ADCK1: variants seen among roughly 807,000 people sequenced by gnomAD.
ADCK1 encodes aarF domain containing kinase 1.
A neutral mutation model predicts 52.3 loss-of-function variants in ADCK1; 41 were observed. That is an observed-to-expected ratio of 0.78 (90% CI 0.61 to 1.02). The LOEUF (loss-of-function observed/expected upper bound fraction) is 1.02. Ranked by LOEUF, ADCK1 falls within the 50% of genes least tolerant of loss-of-function variation. The pLI, the probability that ADCK1 is intolerant of heterozygous loss-of-function variation, is 0.00. For synonymous variants in ADCK1, 250 were observed against 274.6 expected, an observed-to-expected ratio of 0.91 and a Z score of 0.89; for missense variants, 658 against 679.5, an observed-to-expected ratio of 0.97 and a Z score of 0.35.
At chr14:77,808,535 C>A (rs1459857937) in intron 1 of ADCK1, among the ~76,000 whole-genome samples, 1 of 152,094 alleles carries the variant, frequency 6.6e-6, no homozygotes, top group Non-Finnish European at 1.5e-5. Context: ...AAAATGGATG[C>A]CAAGGCAACA....
chr14:77,890,829 T>C (rs2083268675), intron 5 of ADCK1, among the ~76,000 whole-genome samples: 1 of 152,022 alleles, frequency 6.6e-6, no homozygotes, highest in Admixed American at 6.5e-5. Context: ...TTGGGAGAGT[T>C]AGGGTAGTGG....
At chr14:77,929,602 C>T (rs898737819) in intron 9 of ADCK1, among the ~76,000 whole-genome samples, 1 of 152,196 alleles carries the variant, frequency 6.6e-6, no homozygotes, top group African/African-American at 2.4e-5. Context: ...AATCCAGATT[C>T]CCTGCTGGGG....
chr14:77,840,162 T>C (rs2082038218), intron 3 of ADCK1, among the ~76,000 whole-genome samples: 1 of 151,982 alleles, frequency 6.6e-6, no homozygotes, highest in Non-Finnish European at 1.5e-5. Flanking sequence ...TTCCTATGAC[T>C]ATTAGTTTCC....
At position 77,907,771 on chromosome 14, in the gene ADCK1, C is replaced by T. The variant is rs115320309; in HGVS notation, c.742-32C>T. On this transcript the variant is annotated intron_variant, in intron 6 of 10. Coordinates refer to ENST00000238561, the MANE Select transcript of ADCK1 (RefSeq NM_020421.4). ...ATCCTTGCCCGATTCCCAGCTTCCC[C>T]AGACCATCTGACCTGTCCCTTCCTA... is the stretch of plus-strand genomic sequence containing the variant. The T allele has an allele frequency of 4.3e-3, 6,673 of 1,561,642 alleles. 241 individuals are homozygous for T. The African/African-American group carries it at 0.078, about 18-fold the overall frequency.
At position 77,925,796 on chromosome 14, in the gene ADCK1, C is replaced by G. The variant is rs962021312; in HGVS notation, c.1041C>G (p.Cys347Trp). 6.2e-7 allele frequency: 1 copy of G among 1,614,184 alleles called. No homozygotes were observed. The highest frequency in any genetic ancestry group is 1.7e-5 in the Admixed American group (1 of 60,030). ...MLTEEFRLNY[C>W]HLWQSLIWTD... ...CGGAAGAATTCCGCCTGAATTACTG[C>G]CACCTCTGGCAGTCTCTGATCTGGA... The change falls in exon 9 of 11, where the codon TGC becomes TGG. Residue 347 changes from cysteine (C) to tryptophan (W), a missense_variant. Coordinates refer to ENST00000238561, the MANE Select transcript of ADCK1 (RefSeq NM_020421.4).
intron 5 of ADCK1, among the ~76,000 whole-genome samples, chr14:77,891,161 G>C (rs1025990272): frequency 1.3e-5 from 2 of 152,176 alleles, no homozygotes; most frequent in African/African-American, 2.4e-5. Flanking sequence ...TGAGAATGAG[G>C]GGGTAGAAGG....
In ADCK1 at chr14:77,823,646, C is replaced by T. The variant is rs185748497; in HGVS notation, c.219+1128C>T. Among the ~76,000 whole-genome samples, 1,123 of 151,448 alleles carry T rather than the reference C, an allele frequency of 7.4e-3. 5 individuals are homozygous for T. The highest frequency in any genetic ancestry group is 0.012 in the Non-Finnish European group (841 of 67,902). On this transcript the variant is annotated intron_variant, in intron 3 of 10. Transcript: ENST00000238561. Reference sequence around the variant, plus strand: ...GGGGTGCAGTGGTGTGATCTCGGCTCATTGCAACCTCCGTTTCCTGGATTC... The same window carrying T: ...GGGGTGCAGTGGTGTGATCTCGGCTTATTGCAACCTCCGTTTCCTGGATTC...
chr14:77,845,383 A>G (rs1483380987), intron 3 of ADCK1, among the ~76,000 whole-genome samples: 1 of 152,208 alleles, frequency 6.6e-6, no homozygotes, highest in African/African-American at 2.4e-5. Context: ...CATAGTAAAT[A>G]CTTAATCCAT....
At chr14:77,809,132 T>G (rs2081285886) in intron 1 of ADCK1, among the ~76,000 whole-genome samples, 1 of 151,952 alleles carries the variant, frequency 6.6e-6, no homozygotes, top group African/African-American at 2.4e-5. Context: ...GCCTTGAGTG[T>G]CTTGCAAGGA....
At chr14:77,927,304 G>A (rs1410179410) in intron 9 of ADCK1, among the ~76,000 whole-genome samples, 1 of 152,222 alleles carries the variant, frequency 6.6e-6, no homozygotes, top group Non-Finnish European at 1.5e-5. Context: ...GGCTTCTACA[G>A]CCTTGAAGCC....
At chr14:77,844,930 T>C (rs2082145788) in intron 3 of ADCK1, among the ~76,000 whole-genome samples, 1 of 152,338 alleles carries the variant, frequency 6.6e-6, no homozygotes, top group East Asian at 1.9e-4. Flanking sequence ...GAGTGCGTGC[T>C]GTGGTTGATT....
At chr14:77,897,190 A>G (rs1242932662) in intron 5 of ADCK1, among the ~76,000 whole-genome samples, 3 of 152,214 alleles carry the variant, frequency 2.0e-5, no homozygotes, top group Admixed American at 1.3e-4. Context: ...GGTTGTTCTC[A>G]GATAACTCGG....
At chr14:77,857,044 G>GGCCT (rs1305949430) in intron 3 of ADCK1, among the ~76,000 whole-genome samples, 3 of 152,138 alleles carry the variant, frequency 2.0e-5, no homozygotes, top group Non-Finnish European at 4.4e-5. Context: ...GCCTAAGGAT[G>GGCCT]GCCTGCTAGT....
chr14:77,861,701 G>A (rs1194663774), intron 4 of ADCK1, among the ~76,000 whole-genome samples: 5 of 152,214 alleles, frequency 3.3e-5, no homozygotes, highest in Admixed American at 6.5e-5. Flanking sequence ...TCAGACTGTA[G>A]AGAGCGGTGG....
intron 6 of ADCK1, among the ~76,000 whole-genome samples, chr14:77,899,951 T>G (rs898590473): frequency 1.3e-5 from 2 of 151,852 alleles, no homozygotes; most frequent in African/African-American, 2.4e-5. Flanking sequence ...GTGCCTGTAA[T>G]CTCAGCTGTT....
chr14:77,820,455 C>T (rs1480386568), intron 2 of ADCK1, among the ~76,000 whole-genome samples: 1 of 151,636 alleles, frequency 6.6e-6, no homozygotes, highest in Non-Finnish European at 1.5e-5. Context: ...CTCAGATTCT[C>T]GAGTAGCTGG....
chr14:77,857,033 G>T (rs1331485778), intron 3 of ADCK1, among the ~76,000 whole-genome samples: 1 of 152,150 alleles, frequency 6.6e-6, no homozygotes, highest in African/African-American at 2.4e-5. Context: ...GGCCCCTGCA[G>T]GCCTAAGGAT....
chr14:77,867,750 C>T (rs778442945), intron 4 of ADCK1, among the ~76,000 whole-genome samples: 17 of 152,212 alleles, frequency 1.1e-4, no homozygotes, highest in Middle Eastern at 3.2e-3. Flanking sequence ...TGCCCTGCTC[C>T]CGGCCTGTGT....
chr14:77,820,401 A>G (rs1377897571), intron 2 of ADCK1, among the ~76,000 whole-genome samples: 2 of 149,566 alleles, frequency 1.3e-5, no homozygotes, highest in African/African-American at 4.9e-5. Flanking sequence ...TGTGATACCC[A>G]CTTACTGCAA....
Sources: gnomAD v4.1 joint callset for allele counts (sites outside exome capture counted in the v4.1 genomes callset) on GRCh38, gnomAD v4.1.1 for gene constraint, MANE v1.5 for transcripts, NCBI Gene and HGNC (gene_info 2026-07-23, HGNC 2026-07-21) for gene names.